Variants in EPGN observed in about 807,000 individuals in gnomAD.
The protein encoded by EPGN is epigen.
EPGN carries 21 observed loss-of-function variants against 20.7 expected under a neutral mutation model. The ratio of observed to expected loss-of-function variants is 1.01; its 90% CI spans 0.72 to 1.46. The LOEUF (loss-of-function observed/expected upper bound fraction) is 1.46. Ranked by LOEUF, EPGN falls within the 40% of genes most tolerant of loss-of-function variation. The pLI is 0.00. For synonymous variants in EPGN, 69 were observed against 63.8 expected (o/e 1.08, Z -0.39); for missense variants, 199 against 180.7 (o/e 1.10, Z -0.58).
intron 2 of EPGN, among the ~76,000 whole-genome samples, chr4:74,311,711 A>G (rs1467629949): frequency 6.6e-6 from 1 of 152,202 alleles, no homozygotes; most frequent in Admixed American, 6.5e-5. Flanking sequence ...ATCAGAGAGA[A>G]TCAGGAATAA....
Position 74,309,078 on chromosome 4 carries a change from GC to G in EPGN, c.44-10del. ...GAGGCTCTCTGTTAAAGATGCTTTT[GC>G]CCCCTTAATACAGCAATGACAGCAC... is the stretch of plus-strand genomic sequence containing the variant. On this transcript the variant is annotated splice_polypyrimidine_tract_variant and intron_variant, in intron 1 of 4. Transcript: ENST00000413830. 6.2e-7 allele frequency: 1 copy of G among 1,602,428 alleles called. No homozygotes were observed. Among genetic ancestry groups the G allele is most frequent in the Non-Finnish European group, 8.5e-7 (1 of 1,171,674 alleles).
chr4:74,312,290 A>G lies in EPGN; in HGVS notation c.239A>G (p.Glu80Gly). The part of the protein sequence containing the change: ...NGACAFHHEL[E>G]KAICRCFTGY... ...GCTTGTGCATTCCACCATGAGCTAG[A>G]GAAAGCCATCTGCAGGTAAATGCAA... The change falls in exon 3 of 5, where the codon GAG becomes GGG. Residue 80 changes from glutamate (E) to glycine (G), a missense_variant. By Grantham distance (98) the Glu-to-Gly change is moderately conservative. Transcript: ENST00000413830. 1.2e-6 allele frequency: 2 copies of G among 1,610,714 alleles called. No homozygotes were observed. Among genetic ancestry groups the G allele is most frequent in the Non-Finnish European group, 1.7e-6 (2 of 1,178,894 alleles).
chr4:74,310,414 A>G (rs1452713703), intron 2 of EPGN, among the ~76,000 whole-genome samples: 1 of 95,176 alleles, frequency 1.1e-5, no homozygotes, highest in Non-Finnish European at 2.3e-5. Flanking sequence ...GTGAGCTGAG[A>G]TGGGGCCATT....
chr4:74,310,688 C>T (rs147690146), intron 2 of EPGN, among the ~76,000 whole-genome samples: 1 of 152,148 alleles, frequency 6.6e-6, no homozygotes, highest in African/African-American at 2.4e-5. Flanking sequence ...GGTTCCAAGA[C>T]CTCCTCCTCC....
At chr4:74,313,392 T>C in intron 4 of EPGN, 1 of 1,379,684 alleles carries the variant, frequency 7.2e-7, no homozygotes, top group Non-Finnish European at 9.3e-7. Context: ...AGTTCAAACG[T>C]ACAGTCTCCC....
rs1334202506 is a variant in EPGN, at chr4:74,313,385, T to G, written c.407+215T>G. On this transcript the variant is annotated intron_variant, in intron 4 of 4. Transcript: ENST00000413830. ...TTGCCTTCAGTTGTAATAGGAGAGT[T>G]CAAACGTACAGTCTCCCTTCAACCT... is the stretch of plus-strand genomic sequence containing the variant. 14 of 1,385,052 alleles carry G rather than the reference T, an allele frequency of 1.0e-5. No homozygotes were observed. In the East Asian group the frequency reaches 3.5e-4, roughly 35 times the overall value. The allele number at this position is 1,385,052 out of a possible 1,614,324, so 85.8% of individuals were successfully genotyped here. A position where few individuals can be genotyped will look rare whatever the true frequency, so the allele number is the denominator to read the frequency against.
chr4:74,313,130 A>C lies in EPGN; in HGVS notation c.367A>C (p.Ser123Arg). 6.2e-7 allele frequency: 1 copy of C among 1,612,272 alleles called. No individual in the cohort carries two copies. ...TGGGATTGGTGTTGGATTACTATTAAGTGGTTTTCTTGTTATTTTTTACTG... is the reference window on the plus strand; with the variant it reads ...TGGGATTGGTGTTGGATTACTATTACGTGGTTTTCTTGTTATTTTTTACTG... ...AIGIGVGLLL[S>R]GFLVIFYCYI... Residue 123 changes from serine (S) to arginine (R), a missense_variant, in exon 4 of 5, where the codon AGT (serine) becomes CGT (arginine). By Grantham distance (110) the Ser-to-Arg change is moderately radical. Transcript: ENST00000413830.
rs1166023236 is a variant in EPGN, at chr4:74,309,090, C to T, written c.44-3C>T. The T allele has an allele frequency of 6.2e-7, 1 of 1,611,100 alleles. No homozygotes were observed. The highest frequency in any genetic ancestry group is 8.5e-7 in the Non-Finnish European group (1 of 1,178,152). ...TAAAGATGCTTTTGCCCCCTTAATA[C>T]AGCAATGACAGCACTGACCGAAGAG... On this transcript the variant is annotated splice_polypyrimidine_tract_variant and splice_region_variant and intron_variant, in intron 1 of 4. Coordinates refer to ENST00000413830, the MANE Select transcript of EPGN (RefSeq NM_001270989.2).
rs1298544727 is a variant in EPGN, at chr4:74,314,673, G to A, written c.*36G>A. The A allele has an allele frequency of 6.6e-7, 1 of 1,519,630 alleles. No homozygotes were observed. Among genetic ancestry groups the A allele is most frequent in the Admixed American group, 2.0e-5 (1 of 49,462 alleles). 94.1% of individuals were successfully genotyped at this position (1,519,630 alleles called of 1,614,324 possible). On this transcript the variant is annotated 3_prime_UTR_variant, in exon 5 of 5. Transcript: ENST00000413830. ...AAGAATTTTCATCAAGGCATCTGTA[G>A]AGATCAGTGAGCCCAAAATTAAAGT...
chr4:74,309,218 T>G, intron 2 of EPGN, 36 bp downstream of exon 2: 1 of 1,578,612 alleles, frequency 6.3e-7, no homozygotes, highest in Non-Finnish European at 8.7e-7. Flanking sequence ...CACAAGACTT[T>G]TCTAAAACTT....
At position 74,308,581 on chromosome 4, in the gene EPGN, G is replaced by A; in HGVS notation, c.43+5G>A. Reference sequence around the variant, plus strand: ...CAGTCTATCTTTTATTCAACGGTAGGTAATTTCCTTTTGTTTTGTTAACTT... The same window carrying A: ...CAGTCTATCTTTTATTCAACGGTAGATAATTTCCTTTTGTTTTGTTAACTT... On this transcript the variant is annotated splice_donor_5th_base_variant and intron_variant, in intron 1 of 4. Transcript: ENST00000413830. The A allele has an allele frequency of 3.1e-6, 5 of 1,608,150 alleles. No homozygotes were observed. The highest frequency in any genetic ancestry group is 4.3e-6 in the Non-Finnish European group (5 of 1,176,370).
intron 3 of EPGN, 127 bp downstream of exon 3, chr4:74,312,432 G>C (rs1409831128): frequency 8.7e-6 from 9 of 1,035,344 alleles, no homozygotes; most frequent in Non-Finnish European, 1.2e-5. Context: ...AACATGACTT[G>C]ACAGGCCTCT....
At chr4:74,311,335 C>T (rs1578785742) in intron 2 of EPGN, among the ~76,000 whole-genome samples, 3 of 151,856 alleles carry the variant, frequency 2.0e-5, no homozygotes, top group Admixed American at 6.6e-5. Context: ...ACAAAATGAA[C>T]GTGAATTAGA....
At chr4:74,311,801 A>G (rs1283790571) in intron 2 of EPGN, among the ~76,000 whole-genome samples, 1 of 152,216 alleles carries the variant, frequency 6.6e-6, no homozygotes, top group Non-Finnish European at 1.5e-5. Flanking sequence ...AAGAAAATCG[A>G]AATATTATGT....
At position 74,313,036 on chromosome 4, in the gene EPGN, T is replaced by C; in HGVS notation, c.273T>C (p.Thr91=). The C allele has an allele frequency of 6.2e-7, 1 of 1,608,922 alleles. No homozygotes were observed. ...TTTAAAGGTGTTTTACTGGTTATAC[T>C]GGAGAAAGGTGTGAGCACTTGACTT... ...KAICRCFTGY[T]GERCEHLTLT... is the part of the protein sequence containing the mutation. The change falls in exon 4 of 5, where the codon ACT becomes ACC. Residue 91 remains threonine (T), a synonymous_variant. Coordinates refer to ENST00000413830, the MANE Select transcript of EPGN (RefSeq NM_001270989.2).
chr4:74,312,998 CT>C lies in EPGN; in HGVS notation c.255-13del, dbSNP rs758446226. On this transcript the variant is annotated intron_variant, in intron 3 of 4. Transcript: ENST00000413830. ...TACCACCGTAGGTTTTAAAATTAAA[CT>C]TTTTTTCTTTTTTTAAAGGTGTTTT... The C allele has an allele frequency of 1.5e-5, 24 of 1,565,366 alleles. No homozygotes were observed. Among genetic ancestry groups the C allele is most frequent in the East Asian group, 4.6e-5 (2 of 43,628 alleles).
Position 74,314,633 on chromosome 4 carries a change from T to G in EPGN, c.461T>G (p.Leu154Arg), listed in dbSNP as rs963733241. The G allele has an allele frequency of 6.5e-7, 1 of 1,535,970 alleles. No homozygotes were observed. Among genetic ancestry groups the G allele is most frequent in the Non-Finnish European group, 8.7e-7 (1 of 1,146,784 alleles). The change falls in exon 5 of 5, where the codon CTG becomes CGG. Residue 154 changes from leucine (L) to arginine (R), a missense_variant. Leu to Arg is a moderately radical substitution (Grantham distance 102, BLOSUM62 -2). Coordinates refer to ENST00000413830, the MANE Select transcript of EPGN (RefSeq NM_001270989.2). ...YNVCSGERRP[L>R] ...GTCTGTTCTGGAGAAAGACGACCACTGTGAGGCCTTTGTGAAGAATTTTCA... is the reference window on the plus strand; with the variant it reads ...GTCTGTTCTGGAGAAAGACGACCACGGTGAGGCCTTTGTGAAGAATTTTCA...
intron 2 of EPGN, among the ~76,000 whole-genome samples, chr4:74,310,211 C>T (rs2110348745): frequency 6.6e-6 from 1 of 151,998 alleles, no homozygotes; most frequent in South Asian, 2.1e-4. Context: ...CCTGTAATCC[C>T]AGCACTTTAG....
intron 2 of EPGN, 63 bp from the exon 3 acceptor site, chr4:74,312,122 T>C (rs1750995284): frequency 6.6e-7 from 1 of 1,524,040 alleles, no homozygotes; most frequent in African/African-American, 1.4e-5. Context: ...TACATATGTA[T>C]TAAAAATTTA....
Sources: gnomAD v4.1 joint callset for allele counts (sites outside exome capture counted in the v4.1 genomes callset) on GRCh38, gnomAD v4.1.1 for gene constraint, MANE v1.5 for transcripts, NCBI Gene and HGNC (gene_info 2026-07-23, HGNC 2026-07-21) for gene names.